Variants in ITGAD observed in about 807,000 individuals in gnomAD.
The protein encoded by ITGAD is integrin alpha-D.
ITGAD carries 105 observed loss-of-function variants against 139.0 expected under a neutral mutation model. That is an observed-to-expected ratio of 0.76 (90% CI 0.65 to 0.89). ITGAD has a LOEUF of 0.89. Ranked by LOEUF, ITGAD falls within the 40% of genes least tolerant of loss-of-function variation. The pLI is 0.00. For missense variants in ITGAD, 1,384 were observed against 1,487.3 expected (o/e 0.93, Z 1.14); for synonymous variants, 569 against 598.3 (o/e 0.95, Z 0.71).
intron 11 of ITGAD, 30 bp from the exon 12 acceptor site, chr16:31,410,706 G>A (rs934924170): frequency 1.1e-5 from 17 of 1,598,300 alleles, no homozygotes; most frequent in Non-Finnish European, 1.4e-5. Flanking sequence ...GGGGAATGGG[G>A]GCCTTTGTGC....
At chr16:31,408,342 T>C (rs2081592264) in intron 9 of ITGAD, 83 bp from the exon 10 acceptor site, 16 of 1,208,394 alleles carry the variant, frequency 1.3e-5, no homozygotes, top group Non-Finnish European at 1.8e-5. Context: ...AACCCAAGCC[T>C]CAGATCATGT....
intron 27 of ITGAD, 25 bp downstream of exon 27, chr16:31,423,983 C>A (rs1404926708): frequency 4.3e-6 from 7 of 1,609,342 alleles, no homozygotes; most frequent in Non-Finnish European, 6.0e-6. Flanking sequence ...CGGCAGAGCC[C>A]CTGCCCCAGA....
intron 2 of ITGAD, among the ~76,000 whole-genome samples, chr16:31,395,153 C>T (rs2081233791): frequency 6.6e-6 from 1 of 152,050 alleles, no homozygotes; most frequent in Non-Finnish European, 1.5e-5. Context: ...CCCATCTCTA[C>T]TAAAAATGCA....
intron 3 of ITGAD, 50 bp from the exon 4 acceptor site, chr16:31,397,546 C>T (rs373163507): frequency 8.1e-5 from 130 of 1,599,208 alleles, no homozygotes; most frequent in Non-Finnish European, 1.0e-4. Context: ...AGACCTTCCC[C>T]GCAAATGAGT....
intron 2 of ITGAD, among the ~76,000 whole-genome samples, chr16:31,395,599 T>C (rs1208096902): frequency 6.6e-6 from 1 of 151,908 alleles, no homozygotes; most frequent in Non-Finnish European, 1.5e-5. Context: ...AGAAGAAAGG[T>C]AAGAGCCCCC....
chr16:31,423,813 A>G, intron 26 of ITGAD, 32 bp from the exon 27 acceptor site: 1 of 1,608,784 alleles, frequency 6.2e-7, no homozygotes, highest in Non-Finnish European at 8.5e-7. Context: ...TCAGGGAAGA[A>G]CCCCTCAGTT....
chr16:31,425,200 T>C (rs1323599038), intron 29 of ITGAD, among the ~76,000 whole-genome samples: 1 of 152,136 alleles, frequency 6.6e-6, no homozygotes, highest in Non-Finnish European at 1.5e-5. Context: ...GCTTCCCAAG[T>C]AGCTAGGACT....
rs372051828 is a variant in ITGAD, at chr16:31,413,066, C to T, written c.1839-23C>T. 9 of 1,613,272 alleles carry T rather than the reference C, an allele frequency of 5.6e-6. No individual in the cohort carries two copies. The African/African-American group carries it at 9.3e-5, about 17-fold the overall frequency. ...TCCTCCCAGAAGCCAGTGTTCTGTC[C>T]TCCCCACTACTCTGCCCCTCAGGAG... On this transcript the variant is annotated intron_variant, in intron 15 of 29. Coordinates refer to ENST00000389202, the MANE Select transcript of ITGAD (RefSeq NM_005353.3).
intron 20 of ITGAD, among the ~76,000 whole-genome samples, chr16:31,417,608 T>A (rs1198589363): frequency 6.6e-6 from 1 of 152,116 alleles, no homozygotes; most frequent in Non-Finnish European, 1.5e-5. Context: ...AAAAAATTTT[T>A]TGTATGGGTC....
rs1369419074 is a variant in ITGAD, at chr16:31,408,460, G to A, written c.1045G>A (p.Glu349Lys). 1.1e-5 allele frequency: 18 copies of A among 1,614,076 alleles called. No homozygotes were observed. The highest frequency in any genetic ancestry group is 1.4e-5 in the Non-Finnish European group (16 of 1,179,990). The change falls in exon 10 of 30, where the codon GAG becomes AAG. Residue 349 changes from glutamate (E) to lysine (K), a missense_variant. Transcript: ENST00000389202. ...QSRASSSFQH[E>K]MSQEGFSTAL... ...CAGGGCAAGCAGCTCCTTCCAGCAC[G>A]AGATGTCCCAAGAAGGCTTCAGCAC...
intron 5 of ITGAD, among the ~76,000 whole-genome samples, chr16:31,401,018 G>C (rs1472382109): frequency 6.6e-6 from 1 of 152,156 alleles, no homozygotes; most frequent in Admixed American, 6.6e-5. Flanking sequence ...CAGTGCTTTG[G>C]GAGGCCGAGG....
chr16:31,423,069 G>C, intron 23 of ITGAD, 45 bp from the exon 24 acceptor site: 1 of 1,465,866 alleles, frequency 6.8e-7, no homozygotes, highest in East Asian at 2.3e-5. Context: ...GGCACAACTG[G>C]GGACAGTTTC....
rs2081935220 is a variant in ITGAD, at chr16:31,418,164, C to A, written c.2589C>A (p.Asn863Lys). Reference protein sequence around the residue: ...EGLRSSRCSVNHPIFHEGSNG... With the variant: ...EGLRSSRCSVKHPIFHEGSNG... ...TAAGAAGCAGCCGCTGCAGTGTCAA[C>A]CACCCCATCTTCCATGAGGGCTCTA... Residue 863 changes from asparagine to lysine, a missense_variant, in exon 21 of 30, where the codon AAC (asparagine) becomes AAA (lysine). Transcript: ENST00000389202. 6.2e-7 allele frequency: 1 copy of A among 1,614,064 alleles called. No individual in the cohort carries two copies.
At chr16:31,397,706 C>CGGGGGG in intron 4 of ITGAD, 40 bp downstream of exon 4, 3 of 299,956 alleles carry the variant, frequency 1.0e-5, no homozygotes, top group Non-Finnish European at 1.7e-5. Flanking sequence ...TGGGGTGGGG[C>CGGGGGG]GGGGGGTGTT....
At chr16:31,423,514 C>T in intron 25 of ITGAD, 55 bp downstream of exon 25, 1 of 1,602,750 alleles carries the variant, frequency 6.2e-7, no homozygotes, top group Non-Finnish European at 8.5e-7. Flanking sequence ...CACAGCACTC[C>T]CTCTTACCAG....
rs771476995 is a variant in ITGAD, at chr16:31,402,256, G to A, written c.558+11G>A. 1.4e-5 allele frequency: 23 copies of A among 1,602,668 alleles called. No individual in the cohort carries two copies. The highest frequency in any genetic ancestry group is 1.9e-5 in the Non-Finnish European group (22 of 1,173,574). On this transcript the variant is annotated intron_variant, in intron 6 of 29. Coordinates refer to ENST00000389202, the MANE Select transcript of ITGAD (RefSeq NM_005353.3). ...GGCACTGACACCCTGGTGAAGACTG[G>A]GCACCTGGGGCTGGGGTTTGGGGGA...
rs1455538133 is a variant in ITGAD at position 31,398,023 on chromosome 16, T to C, written c.427+114T>C. On this transcript the variant is annotated intron_variant, in intron 5 of 29. Coordinates refer to ENST00000389202, the MANE Select transcript of ITGAD (RefSeq NM_005353.3). ...CCCTCCCTGGAGGGCCGAGTGTGGCTAGGAGAGAAGCCAGGAGAAGAGGGT... is the reference window on the plus strand; with the variant it reads ...CCCTCCCTGGAGGGCCGAGTGTGGCCAGGAGAGAAGCCAGGAGAAGAGGGT... 3 of 727,232 alleles carry C rather than the reference T, an allele frequency of 4.1e-6. No individual in the cohort carries two copies. In the African/African-American group the frequency reaches 5.3e-5, roughly 13 times the overall value. 45.0% of individuals were successfully genotyped at this position (727,232 alleles called of 1,614,324 possible).
chr16:31,425,966 C>A lies in ITGAD; in HGVS notation c.3373-49C>A, dbSNP rs374962158. The A allele has an allele frequency of 3.6e-4, 457 of 1,253,148 alleles. 4 individuals are homozygous for A. Among genetic ancestry groups the A allele is most frequent in the Admixed American group, 3.2e-3 (185 of 57,328 alleles). The allele number at this position is 1,253,148 out of a possible 1,614,324, so 77.6% of individuals were successfully genotyped here. A position where few individuals can be genotyped will look rare whatever the true frequency, so the allele number is the denominator to read the frequency against. On this transcript the variant is annotated intron_variant, in intron 29 of 29. Transcript: ENST00000389202. ...ACAGTGCTGAGATTACAGGTGTGAG[C>A]CACCGGGCCCGGACTTACCCAGCTT...
chr16:31,401,554 C>T (rs2081405172), intron 5 of ITGAD, among the ~76,000 whole-genome samples: 1 of 152,170 alleles, frequency 6.6e-6, no homozygotes, highest in Admixed American at 6.5e-5. Context: ...TCCTACAGGC[C>T]TCGAAGGTGC....
Sources: allele counts gnomAD v4.1 joint callset (sites outside exome capture counted in the v4.1 genomes callset), GRCh38; gene constraint gnomAD v4.1.1; transcripts MANE v1.5; gene names NCBI Gene and HGNC (gene_info 2026-07-23, HGNC 2026-07-21).